The following RASA2 variants were observed in gnomAD, a reference collection of about 807,000 sequenced individuals.
RASA2 encodes the protein RAS p21 protein activator 2.
In RASA2, 155 loss-of-function variants were observed where a neutral mutation model predicts 118.2. The observed-to-expected ratio is 1.31, with a 90% CI of 1.15 to 1.50. The LOEUF is 1.50. Among genes scored for constraint, RASA2 ranks in the 40% most tolerant of loss-of-function variants. The pLI is 0.00. For synonymous variants in RASA2, 353 were observed against 349.1 expected (o/e 1.01, Z -0.12); for missense variants, 1,016 against 1,009.6 (o/e 1.01, Z -0.09).
chr3:141,527,480 A>G (rs145705164), intron 3 of RASA2, among the ~76,000 whole-genome samples: 112 of 152,196 alleles, frequency 7.4e-4, no homozygotes, highest in African/African-American at 2.6e-3. Flanking sequence ...AGCTTCAGCT[A>G]TAGGATGTAT....
intron 3 of RASA2, 106 bp downstream of exon 3, chr3:141,516,537 C>G (rs1305162461): frequency 4.6e-6 from 4 of 870,434 alleles, no homozygotes; most frequent in Non-Finnish European, 6.0e-6. Flanking sequence ...CTCAACATCT[C>G]TGATCTTTTT....
intron 9 of RASA2, among the ~76,000 whole-genome samples, chr3:141,565,976 C>T (rs1018044035): frequency 2.6e-5 from 4 of 152,132 alleles, no homozygotes; most frequent in South Asian, 2.1e-4. Context: ...TTGGTTAATT[C>T]GCTAGTTGTC....
At chr3:141,592,340 G>C (rs1429533359) in intron 19 of RASA2, among the ~76,000 whole-genome samples, 1 of 152,160 alleles carries the variant, frequency 6.6e-6, no homozygotes, top group Non-Finnish European at 1.5e-5. Context: ...AGCATGCCTG[G>C]AGTGTTAAAG....
At chr3:141,512,877 AC>A (rs763946388) in intron 2 of RASA2, among the ~76,000 whole-genome samples, 39 of 152,262 alleles carry the variant, frequency 2.6e-4, no homozygotes, top group Non-Finnish European at 4.9e-4. Context: ...AGCTTGGGCA[AC>A]ATGGTGAAAC....
Position 141,577,033 on chromosome 3 carries a change from G to C in RASA2, c.1517G>C (p.Ser506Thr). 6.2e-7 allele frequency: 1 copy of C among 1,611,708 alleles called. No individual in the cohort carries two copies. Among genetic ancestry groups the C allele is most frequent in the South Asian group, 1.1e-5 (1 of 90,870 alleles). The change falls in exon 15 of 24, where the codon AGC becomes ACC. Residue 506 changes from serine (S) to threonine (T), a missense_variant. Ser to Thr is a moderately conservative substitution (Grantham distance 58). Transcript: ENST00000286364. ...DPHVQYSAVS[S>T]FVFLRFFAVA... ...CATGTTCAGTATTCTGCAGTGAGCA[G>C]CTTTGTATTTCTTCGTTTCTTTGCT...
intron 23 of RASA2, among the ~76,000 whole-genome samples, chr3:141,610,594 G>A (rs116318564): frequency 0.013 from 1,983 of 149,774 alleles, 57 homozygotes; most frequent in African/African-American, 0.046. Context: ...GGGCTCAAGC[G>A]ATCCTCCCAT....
At chr3:141,573,338 C>CAT (rs1170057695) in intron 13 of RASA2, 117 bp downstream of exon 13, 2 of 1,098,178 alleles carry the variant, frequency 1.8e-6, no homozygotes, top group Non-Finnish European at 1.2e-6. Context: ...TTATTCTTCA[C>CAT]ATAAGCCTTT....
Position 141,570,967 on chromosome 3 carries a change from G to C in RASA2, c.919G>C (p.Gly307Arg). ...CAAGTCATCCAAAACTGATGACCTG[G>C]GGTCTCTTCGATTAAATATATGTTA... ...GNKSSKTDDLGSLRLNICYTE... is the reference protein window; with the variant it reads ...GNKSSKTDDLRSLRLNICYTE... The change falls in exon 10 of 24, where the codon GGG becomes CGG. Residue 307 changes from glycine (G) to arginine (R), a missense_variant. Physicochemically the swap from Gly to Arg is moderately radical, Grantham distance 125. This residue lies in a region of RASA2 where 896 missense variants were observed against 836.4 expected (regional missense o/e 1.07). Coordinates refer to ENST00000286364, the MANE Select transcript of RASA2 (RefSeq NM_006506.5). 6.2e-7 allele frequency: 1 copy of C among 1,612,134 alleles called. No individual in the cohort carries two copies. Among genetic ancestry groups the C allele is most frequent in the Non-Finnish European group, 8.5e-7 (1 of 1,178,936 alleles).
Position 141,571,497 on chromosome 3 carries a change from A to C in RASA2, c.1112A>C (p.His371Pro). 1 of 1,613,184 alleles carries C rather than the reference A, an allele frequency of 6.2e-7. No individual in the cohort carries two copies. The highest frequency in any genetic ancestry group is 8.5e-7 in the Non-Finnish European group (1 of 1,179,492). The change falls in exon 11 of 24, where the codon CAT becomes CCT. Residue 371 changes from histidine (H) to proline (P), a missense_variant. Around this residue, in one of 2 missense-constraint regions of RASA2, gnomAD observed 896 missense variants for 836.4 expected, o/e 1.07. Transcript: ENST00000286364. ...VLPLVRLLLH[H>P]DKLVPFATAV... is the part of the protein sequence containing the mutation. ...CCCCTTGTACGACTGCTGCTGCACC[A>C]TGATAAACTTGTTCCTTTTGCCACT...
rs13084444 is a variant in RASA2, at chr3:141,558,809, T to G, written c.685-77T>G. The G allele has an allele frequency of 0.26, 283,887 of 1,083,822 alleles. 42,706 individuals are homozygous for G. Among genetic ancestry groups the G allele is most frequent in the Non-Finnish European group, 0.31 (225,105 of 728,920 alleles). The allele number at this position is 1,083,822 out of a possible 1,614,324, so 67.1% of individuals were successfully genotyped here. A position where few individuals can be genotyped will look rare whatever the true frequency, so the allele number is the denominator to read the frequency against. Reference sequence around the variant, plus strand: ...TGCTTTTATCCACAATTGAATATTTTGCAGATGATCATTTTTAAGCTGTAG... The same window carrying G: ...TGCTTTTATCCACAATTGAATATTTGGCAGATGATCATTTTTAAGCTGTAG... On this transcript the variant is annotated intron_variant, in intron 7 of 23. Coordinates refer to ENST00000286364, the MANE Select transcript of RASA2 (RefSeq NM_006506.5).
At chr3:141,566,078 G>A (rs1290038267) in intron 9 of RASA2, among the ~76,000 whole-genome samples, 1 of 152,108 alleles carries the variant, frequency 6.6e-6, no homozygotes, top group Non-Finnish European at 1.5e-5. Flanking sequence ...TATATTAGAG[G>A]AGGTCATAGC....
At chr3:141,543,880 T>TC (rs2082443409) in intron 5 of RASA2, among the ~76,000 whole-genome samples, 2 of 130,808 alleles carry the variant, frequency 1.5e-5, no homozygotes, top group African/African-American at 3.7e-5. Flanking sequence ...TTTTTTCTTT[T>TC]TTTTTTTTTT....
chr3:141,591,046 A>G (rs2083278556), intron 19 of RASA2, among the ~76,000 whole-genome samples: 1 of 152,106 alleles, frequency 6.6e-6, no homozygotes, highest in Non-Finnish European at 1.5e-5. Context: ...TACAATTATG[A>G]TTTTATATTG....
chr3:141,496,010 T>C (rs1392158048), intron 1 of RASA2, among the ~76,000 whole-genome samples: 1 of 152,206 alleles, frequency 6.6e-6, no homozygotes, highest in Non-Finnish European at 1.5e-5. Context: ...TGCATGTAGA[T>C]GGATAAATAC....
chr3:141,609,665 G>T, intron 22 of RASA2, 142 bp downstream of exon 22: 1 of 798,710 alleles, frequency 1.3e-6, no homozygotes, highest in African/African-American at 1.8e-5. Flanking sequence ...CCCACAGAGA[G>T]GCATTTTTCA....
At position 141,512,221 on chromosome 3, in the gene RASA2, T is replaced by C; in HGVS notation, c.192T>C (p.Cys64=). 6.2e-7 allele frequency: 1 copy of C among 1,600,818 alleles called. No individual in the cohort carries two copies. The highest frequency in any genetic ancestry group is 8.5e-7 in the Non-Finnish European group (1 of 1,176,816). ...CCCACAAAATGAGAGATTGTTTCTG[T>C]ACCATAAATTTGGACCAGGAAGAAG... ...LGPHKMRDCF[C]TINLDQEEVY... is the part of the protein sequence containing the mutation. Residue 64 remains cysteine (C), a synonymous_variant, in exon 2 of 24, where the codon TGT becomes TGC. Transcript: ENST00000286364.
intron 9 of RASA2, among the ~76,000 whole-genome samples, chr3:141,564,276 G>T (rs530336994): frequency 1.3e-5 from 2 of 151,972 alleles, no homozygotes; most frequent in East Asian, 1.9e-4. Context: ...ATAAAGTTGC[G>T]CTCTGAGCAA....
chr3:141,550,150 C>T (rs1372560803), intron 5 of RASA2, among the ~76,000 whole-genome samples: 1 of 152,062 alleles, frequency 6.6e-6, no homozygotes, highest in African/African-American at 2.4e-5. Context: ...TTCAAAAAAT[C>T]ATCTATGGAT....
At chr3:141,536,581 G>C (rs1210207240) in intron 4 of RASA2, among the ~76,000 whole-genome samples, 1 of 151,954 alleles carries the variant, frequency 6.6e-6, no homozygotes, top group Admixed American at 6.6e-5. Context: ...CCAAGAATTT[G>C]GTTTATTTTT....
Sources: allele counts gnomAD v4.1 joint callset (sites outside exome capture counted in the v4.1 genomes callset), GRCh38; gene constraint gnomAD v4.1.1; regional missense constraint gnomAD v4.1.1; transcripts MANE v1.5; gene names NCBI Gene and HGNC (gene_info 2026-07-23, HGNC 2026-07-21).